Variants in PHYHIPL observed in about 807,000 individuals in gnomAD.
PHYHIPL encodes phytanoyl-CoA 2-hydroxylase interacting protein like.
In PHYHIPL, 9 loss-of-function variants were observed where a neutral mutation model predicts 33.4. The ratio of observed to expected loss-of-function variants is 0.27; its 90% confidence interval spans 0.16 to 0.47. PHYHIPL has a LOEUF of 0.47. PHYHIPL is among the 20% of genes least tolerant of loss of function. PHYHIPL has a pLI of 0.99. For synonymous variants in PHYHIPL, 153 were observed against 154.1 expected (o/e 0.99, Z 0.05); for missense variants, 365 against 460.7 (o/e 0.79, Z 1.90).
rs77389345 is a variant in PHYHIPL, at chr10:59,194,080, G to T, written c.106+17121G>T. On this transcript the variant is annotated intron_variant, in intron 1 of 4. Coordinates refer to ENST00000373880, the MANE Select transcript of PHYHIPL (RefSeq NM_032439.4). ...TGTAGAAGTATTTCTTTACCTATAT[G>T]TTTTTTTTTTTTTTTTTTTTTGAGG... Among the ~76,000 whole-genome samples, 236 of 111,248 alleles carry T rather than the reference G, an allele frequency of 2.1e-3. 2 individuals are homozygous for T. Among genetic ancestry groups the T allele is most frequent in the African/African-American group, 6.5e-3 (187 of 28,592 alleles). 73.0% of individuals were successfully genotyped at this position (111,248 alleles called of 152,430 possible).
At chr10:59,203,359 C>T (rs1231472731) in intron 1 of PHYHIPL, among the ~76,000 whole-genome samples, 1 of 152,244 alleles carries the variant, frequency 6.6e-6, no homozygotes, top group African/African-American at 2.4e-5. Flanking sequence ...GACAGTGTGG[C>T]GATTCCTCAA....
intron 1 of PHYHIPL, among the ~76,000 whole-genome samples, chr10:59,227,327 C>G (rs955341669): frequency 4.6e-5 from 7 of 152,066 alleles, no homozygotes; most frequent in African/African-American, 1.7e-4. Flanking sequence ...GAAACATGCA[C>G]TAGAGGCTGG....
chr10:59,220,886 G>T (rs1839752328), intron 1 of PHYHIPL, among the ~76,000 whole-genome samples: 1 of 151,950 alleles, frequency 6.6e-6, no homozygotes, highest in South Asian at 2.1e-4. Context: ...ATTAGTAATT[G>T]ATAAATATGA....
At position 59,245,893 on chromosome 10, in the gene PHYHIPL, A is replaced by T; in HGVS notation, c.*302A>T. On this transcript the variant is annotated 3_prime_UTR_variant, in exon 5 of 5. Coordinates refer to ENST00000373880, the MANE Select transcript of PHYHIPL (RefSeq NM_032439.4). The stretch of plus-strand genomic sequence containing the variant: ...ATGCCAAACATAACAAAACAGTTAT[A>T]TAGACTGCTTTAGCAAAGTACACAA... 1 of 303,754 alleles carries T rather than the reference A, an allele frequency of 3.3e-6. No individual in the cohort carries two copies. Among genetic ancestry groups the T allele is most frequent in the Non-Finnish European group, 6.1e-6 (1 of 162,994 alleles). 18.8% of individuals were successfully genotyped at this position (303,754 alleles called of 1,614,324 possible). A position where few individuals can be genotyped will look rare whatever the true frequency, so the allele number is the denominator to read the frequency against.
At chr10:59,180,322 A>G (rs1411378672) in intron 1 of PHYHIPL, among the ~76,000 whole-genome samples, 245 of 24,030 alleles carry the variant, frequency 0.01, 1 homozygote, top group African/African-American at 0.032. Context: ...AAGTATATAT[A>G]TATATATATA....
chr10:59,218,339 T>C (rs1416138983), intron 1 of PHYHIPL, among the ~76,000 whole-genome samples: 1 of 152,180 alleles, frequency 6.6e-6, no homozygotes, highest in Non-Finnish European at 1.5e-5. Flanking sequence ...GTAAAAGATA[T>C]CATTCTCCTC....
chr10:59,245,606 A>ATTCT lies in PHYHIPL; in HGVS notation c.*17_*20dup, dbSNP rs1840630167. The ATTCT allele has an allele frequency of 1.3e-6, 2 of 1,564,428 alleles. No homozygotes were observed. The highest frequency in any genetic ancestry group is 8.6e-7 in the Non-Finnish European group (1 of 1,159,226). ...TTGGACGTTAATGCCCACTTTTCTT[A>ATTCT]TTCTTACTCAGCCCCTTTTCCTCCC... On this transcript the variant is annotated 3_prime_UTR_variant, in exon 5 of 5. Transcript: ENST00000373880.
chr10:59,226,098 GATTA>G (rs1246480700), intron 1 of PHYHIPL, among the ~76,000 whole-genome samples: 9 of 152,044 alleles, frequency 5.9e-5, no homozygotes, highest in African/African-American at 2.2e-4. Flanking sequence ...AAAGATGAAA[GATTA>G]GTTAAGATAA....
intron 1 of PHYHIPL, among the ~76,000 whole-genome samples, chr10:59,183,275 C>T (rs571745184): frequency 1.4e-4 from 21 of 152,072 alleles, no homozygotes; most frequent in South Asian, 6.2e-4. Context: ...GAGCTATCTC[C>T]GTAAAGAGAT....
At chr10:59,238,339 TA>T (rs1319832046) in intron 3 of PHYHIPL, among the ~76,000 whole-genome samples, 1 of 151,984 alleles carries the variant, frequency 6.6e-6, no homozygotes, top group Admixed American at 6.6e-5. Flanking sequence ...TCAGTATCTC[TA>T]ATTTCAAAAA....
chr10:59,227,347 A>G (rs933876005), intron 1 of PHYHIPL, among the ~76,000 whole-genome samples: 1 of 152,078 alleles, frequency 6.6e-6, no homozygotes, highest in Non-Finnish European at 1.5e-5. Context: ...GGCTAACTTT[A>G]TAACGACACT....
rs1395981435 is a variant in PHYHIPL at position 59,234,288 on chromosome 10, C to T, written c.107-16C>T. 5.2e-6 allele frequency: 8 copies of T among 1,527,064 alleles called. No homozygotes were observed. Among genetic ancestry groups the T allele is most frequent in the Non-Finnish European group, 7.0e-6 (8 of 1,146,866 alleles). 94.6% of individuals were successfully genotyped at this position (1,527,064 alleles called of 1,614,324 possible). ...ATTAATTGGAAATTAACTTCCTGTG[C>T]ATTGTTTTCTTGCAGGGAACAAATC... On this transcript the variant is annotated splice_polypyrimidine_tract_variant and intron_variant, in intron 1 of 4. Transcript: ENST00000373880.
rs567094866 is a variant in PHYHIPL, at chr10:59,229,508, C to T, written c.107-4796C>T. ...ATGGAAGTGTGAGTAATCTCTACTA[C>T]GGAATAGATAATTTATAGAATATAT... On this transcript the variant is annotated intron_variant, in intron 1 of 4. Transcript: ENST00000373880. Among the ~76,000 whole-genome samples the T allele has an allele frequency of 2.6e-4, 40 of 151,938 alleles. 1 individual carries two copies. In the South Asian group the frequency reaches 4.6e-3, roughly 17 times the overall value.
intron 4 of PHYHIPL, 81 bp from the exon 5 acceptor site, chr10:59,244,976 G>T (rs545152885): frequency 6.9e-7 from 1 of 1,441,362 alleles, no homozygotes; most frequent in South Asian, 1.4e-5. Context: ...GTAGATGTTT[G>T]ACTTTTAGGC....
intron 1 of PHYHIPL, among the ~76,000 whole-genome samples, chr10:59,219,637 G>A (rs1033839702): frequency 1.3e-5 from 2 of 152,054 alleles, no homozygotes; most frequent in African/African-American, 4.8e-5. Flanking sequence ...TTTATTTTAT[G>A]CAAGTACCTT....
At chr10:59,184,127 T>G (rs1393838192) in intron 1 of PHYHIPL, among the ~76,000 whole-genome samples, 1 of 152,112 alleles carries the variant, frequency 6.6e-6, no homozygotes, top group African/African-American at 2.4e-5. Flanking sequence ...CATTTTAGAG[T>G]TATATCTGTG....
At chr10:59,217,548 T>C (rs1839652912) in intron 1 of PHYHIPL, among the ~76,000 whole-genome samples, 1 of 151,966 alleles carries the variant, frequency 6.6e-6, no homozygotes, top group Non-Finnish European at 1.5e-5. Context: ...TGCTTCTCTG[T>C]ATTCTGATAT....
intron 1 of PHYHIPL, among the ~76,000 whole-genome samples, chr10:59,185,062 C>A (rs1838540961): frequency 1.4e-5 from 2 of 144,832 alleles, no homozygotes; most frequent in Admixed American, 1.4e-4. Flanking sequence ...GGGATCTCGG[C>A]TCACTGCAAG....
chr10:59,195,583 A>G (rs1223393271), intron 1 of PHYHIPL, among the ~76,000 whole-genome samples: 1 of 152,178 alleles, frequency 6.6e-6, no homozygotes, highest in Non-Finnish European at 1.5e-5. Context: ...TAGGGAGGCC[A>G]TCTCTCCAGT....
Sources: allele counts gnomAD v4.1 joint callset (sites outside exome capture counted in the v4.1 genomes callset), GRCh38; gene constraint gnomAD v4.1.1; transcripts MANE v1.5; gene names NCBI Gene and HGNC (gene_info 2026-07-23, HGNC 2026-07-21).